Variants in NCOR1 observed in about 807,000 individuals in gnomAD.
NCOR1 encodes protein phosphatase 1, regulatory subunit 109.
In NCOR1, 63 loss-of-function variants were observed where a neutral mutation model predicts 288.1. The ratio of observed to expected loss-of-function variants is 0.22; its 90% confidence interval spans 0.18 to 0.27. The LOEUF (loss-of-function observed/expected upper bound fraction) is 0.27, where lower values mean the gene tolerates loss of function less well. NCOR1 is among the 10% of genes least tolerant of loss of function. The pLI is 1.00. For synonymous variants in NCOR1, 1,007 were observed against 1,065.9 expected, an observed-to-expected ratio of 0.94 and a Z score of 1.08; for missense variants, 2,397 against 3,019.2, an observed-to-expected ratio of 0.79 and a Z score of 4.83.
chr17:16,200,851 C>G (rs1045870524), intron 1 of NCOR1, among the ~76,000 whole-genome samples: 4 of 152,136 alleles, frequency 2.6e-5, no homozygotes, highest in African/African-American at 9.7e-5. Context: ...GGACCACCAC[C>G]CTGGGCATCC....
At chr17:16,156,344 G>A (rs2079776076) in intron 6 of NCOR1, among the ~76,000 whole-genome samples, 1 of 151,866 alleles carries the variant, frequency 6.6e-6, no homozygotes. Flanking sequence ...GCTGAGGCAG[G>A]AGAATTGCTT....
chr17:16,153,313 C>A (rs769685933), intron 7 of NCOR1, 26 bp downstream of exon 7: 2 of 1,507,486 alleles, frequency 1.3e-6, no homozygotes, highest in East Asian at 4.5e-5. Context: ...AAAAAAAAAT[C>A]ACTGGAAATG....
chr17:16,189,987 C>T (rs867210053), intron 2 of NCOR1, among the ~76,000 whole-genome samples: 1 of 152,256 alleles, frequency 6.6e-6, no homozygotes, highest in South Asian at 2.1e-4. Flanking sequence ...AATCCCAGCA[C>T]TTTAGGAGGG....
At chr17:16,197,061 G>A (rs1397351101) in intron 1 of NCOR1, among the ~76,000 whole-genome samples, 1 of 151,706 alleles carries the variant, frequency 6.6e-6, no homozygotes. Flanking sequence ...AAGGCCGGGC[G>A]CGGTGGCTCA....
intron 41 of NCOR1, among the ~76,000 whole-genome samples, 185 bp from the exon 42 acceptor site, chr17:16,047,278 T>C (rs2058779830): frequency 6.6e-6 from 1 of 152,134 alleles, no homozygotes; most frequent in Non-Finnish European, 1.5e-5. Context: ...TGAGGAAAAA[T>C]GATTTAGCTC....
intron 18 of NCOR1, among the ~76,000 whole-genome samples, chr17:16,110,355 A>AAAAAAAC (rs1178258308): frequency 1.3e-5 from 2 of 152,082 alleles, no homozygotes. Flanking sequence ...CTCGTTCAAA[A>AAAAAAAC]AAAAAACAAA....
intron 2 of NCOR1, 43 bp from the exon 3 acceptor site, chr17:16,186,730 GAAC>G (rs748439419): frequency 8.9e-6 from 14 of 1,581,430 alleles, no homozygotes; most frequent in Middle Eastern, 1.7e-4. Flanking sequence ...ACCAAAAACT[GAAC>G]AACATCATGA....
At position 16,181,207 on chromosome 17, in the gene NCOR1, A is replaced by G. The variant is rs891276902; in HGVS notation, c.242+5347T>C. ...GTGATGTGTGTGTGTATACATATAT[A>G]TGTATGTGTGTGTGTGTGTGTGTGT... is the stretch of plus-strand genomic sequence containing the variant. On this transcript the variant is annotated intron_variant, in intron 3 of 45. Coordinates refer to ENST00000268712, the MANE Select transcript of NCOR1 (RefSeq NM_006311.4). 2.8e-4 allele frequency among the ~76,000 whole-genome samples: 24 copies of G among 85,808 alleles called. No individual in the cohort carries two copies. In the East Asian group the frequency reaches 6.1e-3, roughly 22 times the overall value. 56.3% of individuals were successfully genotyped at this position (85,808 alleles called of 152,430 possible). A position where few individuals can be genotyped will look rare whatever the true frequency, so the allele number is the denominator to read the frequency against.
intron 8 of NCOR1, among the ~76,000 whole-genome samples, chr17:16,150,836 G>C (rs187999562): frequency 2.6e-5 from 4 of 152,096 alleles, no homozygotes; most frequent in East Asian, 1.9e-4. Flanking sequence ...TTACTTCTAA[G>C]GGTTCTCAAG....
At chr17:16,078,067 A>G (rs941627679) in intron 26 of NCOR1, among the ~76,000 whole-genome samples, 5 of 152,200 alleles carry the variant, frequency 3.3e-5, no homozygotes, top group Non-Finnish European at 2.9e-5. Context: ...GGAGTTGCCA[A>G]TGACCATGAT....
rs778119031 is a variant in NCOR1 at position 16,098,516 on chromosome 17, A to C, written c.2691-20T>G. The C allele has an allele frequency of 5.6e-6, 9 of 1,596,538 alleles. No individual in the cohort carries two copies. Among genetic ancestry groups the C allele is most frequent in the Non-Finnish European group, 6.8e-6 (8 of 1,170,760 alleles). The stretch of plus-strand genomic sequence containing the variant: ...AACATTCTGCAATTGCAATTTAAAA[A>C]AAAGATAAATGAATACATTTTTAAG... On this transcript the variant is annotated intron_variant, in intron 20 of 45. Transcript: ENST00000268712.
At chr17:16,098,804 TAGAA>T (rs2067102504) in intron 20 of NCOR1, 1 of 178,524 alleles carries the variant, frequency 5.6e-6, no homozygotes, top group Admixed American at 6.1e-5. Flanking sequence ...CATTTTATAT[TAGAA>T]AGAAAAGAAA....
intron 3 of NCOR1, among the ~76,000 whole-genome samples, chr17:16,180,292 A>G (rs2085130830): frequency 6.6e-6 from 1 of 152,212 alleles, no homozygotes; most frequent in South Asian, 2.1e-4. Flanking sequence ...TGGCGAGGGT[A>G]TGGAGAAAAG....
intron 11 of NCOR1, 30 bp downstream of exon 11, chr17:16,143,575 GA>G: frequency 6.5e-7 from 1 of 1,531,192 alleles, no homozygotes; most frequent in Non-Finnish European, 9.0e-7. Context: ...AATAATTAAC[GA>G]ATTAACTTGA....
intron 40 of NCOR1, among the ~76,000 whole-genome samples, chr17:16,052,930 A>T (rs58071251): frequency 0.015 from 2,230 of 152,298 alleles, 62 homozygotes; most frequent in African/African-American, 0.052. Flanking sequence ...CCTAGGATGC[A>T]AGGTTGGTTC....
chr17:16,203,417 A>T (rs2091107325), intron 1 of NCOR1, among the ~76,000 whole-genome samples: 1 of 151,768 alleles, frequency 6.6e-6, no homozygotes, highest in South Asian at 2.1e-4. Flanking sequence ...TTTGTCCTTT[A>T]CTCTCTGCCA....
At chr17:16,109,673 C>A (rs1462472594) in intron 18 of NCOR1, among the ~76,000 whole-genome samples, 4 of 152,268 alleles carry the variant, frequency 2.6e-5, no homozygotes, top group African/African-American at 7.2e-5. Context: ...CATTAAGAAT[C>A]ACGCAATTTT....
chr17:16,030,294 T>G lies in NCOR1; in HGVS notation c.*2002A>C. ...GGATGAGAAGGGGTTGGTCTTGCTA[T>G]CTTGGGTGGCAGAGGTGGAAGAAAA... is the stretch of plus-strand genomic sequence containing the variant. On this transcript the variant is annotated 3_prime_UTR_variant, in exon 46 of 46. Coordinates refer to ENST00000268712, the MANE Select transcript of NCOR1 (RefSeq NM_006311.4). The G allele has an allele frequency of 4.4e-6, 1 of 225,008 alleles. No homozygotes were observed. The highest frequency in any genetic ancestry group is 6.4e-5 in the East Asian group (1 of 15,674). The allele number at this position is 225,008 out of a possible 1,614,324, so 13.9% of individuals were successfully genotyped here.
At position 16,205,727 on chromosome 17, in the gene NCOR1, C is replaced by T. The variant is rs1600556063; in HGVS notation, c.-71+9635G>A. On this transcript the variant is annotated intron_variant, in intron 1 of 45. Transcript: ENST00000268712. Reference sequence around the variant, plus strand: ...CCAAGGTGGGTGGATCACCTGAGGTCGAGAGTTCGAGACCAGCCTGGCCAA... The same window carrying T: ...CCAAGGTGGGTGGATCACCTGAGGTTGAGAGTTCGAGACCAGCCTGGCCAA... Among the ~76,000 whole-genome samples the T allele has an allele frequency of 2.6e-5, 4 of 151,680 alleles. 1 individual carries two copies. The South Asian group carries it at 6.3e-4, about 24-fold the overall frequency.
Sources: allele counts gnomAD v4.1 joint callset (sites outside exome capture counted in the v4.1 genomes callset), GRCh38; gene constraint gnomAD v4.1.1; transcripts MANE v1.5; gene names NCBI Gene and HGNC (gene_info 2026-07-23, HGNC 2026-07-21).